CRYL1: variants seen among roughly 807,000 people sequenced by gnomAD.
CRYL1 encodes the protein crystallin lambda 1, also known as lambda-crystallin homolog.
A neutral mutation model predicts 36.6 loss-of-function variants in CRYL1; 29 were observed. The observed-to-expected ratio is 0.79, with a 90% CI of 0.59 to 1.08. The LOEUF (loss-of-function observed/expected upper bound fraction) is 1.08. CRYL1 is among the 50% of genes least tolerant of loss of function. The pLI is 0.00. For missense variants in CRYL1, 411 were observed against 407.9 expected (o/e 1.01, Z -0.06); for synonymous variants, 152 against 151.5 (o/e 1.00, Z -0.02).
At chr13:20,429,754 C>A (rs1392169772) in intron 5 of CRYL1, among the ~76,000 whole-genome samples, 1 of 152,122 alleles carries the variant, frequency 6.6e-6, no homozygotes, top group East Asian at 1.9e-4. Context: ...AGGTCATGAC[C>A]AGTGTGCCAG....
intron 6 of CRYL1, among the ~76,000 whole-genome samples, chr13:20,410,114 C>T (rs952790899): frequency 6.6e-6 from 1 of 151,346 alleles, no homozygotes; most frequent in African/African-American, 2.4e-5. Flanking sequence ...TTCACAATAG[C>T]AAAGACTTGG....
intron 1 of CRYL1, among the ~76,000 whole-genome samples, chr13:20,521,480 A>G (rs1324958010): frequency 6.6e-6 from 1 of 152,212 alleles, no homozygotes; most frequent in East Asian, 1.9e-4. Flanking sequence ...ATCAGGCCCA[A>G]GAATAATTAA....
At chr13:20,477,790 A>G (rs2033194160) in intron 3 of CRYL1, among the ~76,000 whole-genome samples, 1 of 145,982 alleles carries the variant, frequency 6.9e-6, no homozygotes, top group African/African-American at 2.5e-5. Context: ...GATAATATAT[A>G]ATATTCCATT....
chr13:20,454,320 T>C (rs1458049747), intron 3 of CRYL1, among the ~76,000 whole-genome samples: 3 of 151,990 alleles, frequency 2.0e-5, no homozygotes, highest in African/African-American at 7.3e-5. Context: ...ATCAATGTCA[T>C]TCATGATATA....
At chr13:20,492,560 C>T (rs1032015726) in intron 2 of CRYL1, among the ~76,000 whole-genome samples, 1 of 152,142 alleles carries the variant, frequency 6.6e-6, no homozygotes, top group Admixed American at 6.5e-5. Flanking sequence ...CCCCTTCCCC[C>T]TCCATAGCCA....
chr13:20,484,573 G>A (rs541416930), intron 3 of CRYL1, among the ~76,000 whole-genome samples: 8 of 152,282 alleles, frequency 5.3e-5, no homozygotes, highest in African/African-American at 1.9e-4. Context: ...TTGGGAGGCT[G>A]AGGCACGATA....
intron 1 of CRYL1, among the ~76,000 whole-genome samples, chr13:20,519,679 TC>T (rs1414739170): frequency 6.6e-6 from 1 of 152,110 alleles, no homozygotes; most frequent in Non-Finnish European, 1.5e-5. Flanking sequence ...GGCAAATGAC[TC>T]AAATTCTTCA....
At chr13:20,465,522 C>CA (rs2032915220) in intron 3 of CRYL1, among the ~76,000 whole-genome samples, 3 of 152,162 alleles carry the variant, frequency 2.0e-5, no homozygotes. Flanking sequence ...GAGCCATGCA[C>CA]AAACAGTTGG....
rs370229594 is a variant in CRYL1 at position 20,432,315 on chromosome 13, G to A, written c.439-19C>T. 9.1e-5 allele frequency: 144 copies of A among 1,581,204 alleles called. No homozygotes were observed. The highest frequency in any genetic ancestry group is 1.7e-4 in the Middle Eastern group (1 of 5,936). ...GATTCACCTTAGGAGAGAGAGAGAA[G>A]TGGGGGAGTCAAGGAGATGATCCTG... On this transcript the variant is annotated intron_variant, in intron 4 of 7. Coordinates refer to ENST00000298248, the MANE Select transcript of CRYL1 (RefSeq NM_015974.3).
At chr13:20,418,692 T>C (rs7332444) in intron 5 of CRYL1, 105,382 of 152,062 alleles carry the variant, frequency 0.69, 37,645 homozygotes, top group Admixed American at 0.81. Flanking sequence ...TCTATTTTGT[T>C]TTGCTCTACT....
intron 6 of CRYL1, among the ~76,000 whole-genome samples, chr13:20,409,699 A>C (rs1304569990): frequency 6.6e-6 from 1 of 152,116 alleles, no homozygotes; most frequent in Non-Finnish European, 1.5e-5. Flanking sequence ...AAAAGCAAAC[A>C]ACCCCATCAA....
intron 1 of CRYL1, among the ~76,000 whole-genome samples, chr13:20,522,911 C>CTTTTTTTTTTTTTTTTTTTTTTTTTT (rs386378385): frequency 1.2e-5 from 1 of 82,956 alleles, no homozygotes; most frequent in African/African-American, 4.5e-5. Flanking sequence ...CCCATTTCTA[C>CTTTTTTTTTTTTTTTTTTTTTTTTTT]TTTTTTTTTT....
At chr13:20,419,816 C>T in intron 5 of CRYL1, among the ~76,000 whole-genome samples, 1 of 152,198 alleles carries the variant, frequency 6.6e-6, no homozygotes, top group Non-Finnish European at 1.5e-5. Context: ...ATACTGTACC[C>T]ACATGTTTTC....
intron 3 of CRYL1, among the ~76,000 whole-genome samples, chr13:20,455,048 A>G (rs2032652333): frequency 6.6e-6 from 1 of 152,232 alleles, no homozygotes. Flanking sequence ...GAAAATCCCA[A>G]AGAATCTATG....
rs567869682 is a variant in CRYL1 at position 20,413,030 on chromosome 13, C to G, written c.739+252G>C. 2.6e-5 allele frequency among the ~76,000 whole-genome samples: 4 copies of G among 152,296 alleles called. No individual in the cohort carries two copies. In the East Asian group the frequency reaches 7.7e-4, roughly 29 times the overall value. ...GCGAAGTTTCTGTGACATCACCAACCTCTCTTCCTTTGAGCTCTCACCTGA... is the reference window on the plus strand; with the variant it reads ...GCGAAGTTTCTGTGACATCACCAACGTCTCTTCCTTTGAGCTCTCACCTGA... On this transcript the variant is annotated intron_variant, in intron 6 of 7. Coordinates refer to ENST00000298248, the MANE Select transcript of CRYL1 (RefSeq NM_015974.3).
At chr13:20,485,988 G>T (rs185170418) in intron 3 of CRYL1, among the ~76,000 whole-genome samples, 5 of 151,862 alleles carry the variant, frequency 3.3e-5, no homozygotes, top group Admixed American at 3.3e-4. Context: ...GCCTGATCTC[G>T]GCCCACTGCA....
Position 20,424,298 on chromosome 13 carries a change from C to G in CRYL1, c.633+7804G>C, listed in dbSNP as rs9552172. On this transcript the variant is annotated intron_variant, in intron 5 of 7. Coordinates refer to ENST00000298248, the MANE Select transcript of CRYL1 (RefSeq NM_015974.3). ...CCCTGCAGTCCCAACAGAGGTGCTG[C>G]TGAGTGGCTGGACTGAGAAGCAGCA... Among the ~76,000 whole-genome samples, 35,465 of 152,040 alleles carry G rather than the reference C, an allele frequency of 0.23. 4,551 individuals are homozygous for G. The highest frequency in any genetic ancestry group is 0.33 in the African/African-American group (13,546 of 41,472).
intron 6 of CRYL1, among the ~76,000 whole-genome samples, chr13:20,410,888 C>T (rs1221681283): frequency 2.0e-5 from 3 of 152,224 alleles, no homozygotes; most frequent in Non-Finnish European, 4.4e-5. Flanking sequence ...GGTAAGGAGC[C>T]GGCCGGCTGG....
chr13:20,434,442 T>C (rs935774859), intron 4 of CRYL1, among the ~76,000 whole-genome samples: 2 of 151,836 alleles, frequency 1.3e-5, no homozygotes, highest in Non-Finnish European at 2.9e-5. Flanking sequence ...CAGCGCTCTG[T>C]AAAATGCACC....
Sources: gnomAD v4.1 joint callset for allele counts (sites outside exome capture counted in the v4.1 genomes callset) on GRCh38, gnomAD v4.1.1 for gene constraint, MANE v1.5 for transcripts, NCBI Gene and HGNC (gene_info 2026-07-23, HGNC 2026-07-21) for gene names.